The following RGS6 variants were observed in gnomAD, a reference collection of about 807,000 sequenced individuals.
RGS6 encodes the protein regulator of G protein signaling 6, also known as regulator of G-protein signaling 6.
A neutral mutation model predicts 78.5 loss-of-function variants in RGS6; 30 were observed. The observed-to-expected ratio is 0.38, with a 90% CI of 0.29 to 0.52. The LOEUF is 0.52. RGS6 is among the 20% of genes least tolerant of loss of function. The pLI is 0.85. For missense variants in RGS6, 495 were observed against 609.7 expected, an observed-to-expected ratio of 0.81 and a Z score of 1.98; for synonymous variants, 206 against 206.0, an observed-to-expected ratio of 1.00 and a Z score of 0.00.
At chr14:72,315,237 C>T (rs1043432109) in intron 2 of RGS6, among the ~76,000 whole-genome samples, 3 of 152,144 alleles carry the variant, frequency 2.0e-5, no homozygotes, top group African/African-American at 4.8e-5. Context: ...GGAAGCTGTG[C>T]GGGATAATTC....
chr14:72,541,876 G>A (rs533908163), intron 17 of RGS6, among the ~76,000 whole-genome samples: 5 of 152,274 alleles, frequency 3.3e-5, no homozygotes, highest in Admixed American at 6.5e-5. Context: ...GAATGGTCTC[G>A]CGAAGCTCTG....
chr14:72,335,938 G>A (rs781614342), intron 2 of RGS6, among the ~76,000 whole-genome samples: 2 of 152,192 alleles, frequency 1.3e-5, no homozygotes, highest in Non-Finnish European at 2.9e-5. Flanking sequence ...GCTTGTGGAT[G>A]TCCTCCTAAG....
intron 2 of RGS6, among the ~76,000 whole-genome samples, chr14:72,112,364 G>A (rs569375195): frequency 2.6e-5 from 4 of 152,268 alleles, no homozygotes; most frequent in Admixed American, 6.5e-5. Flanking sequence ...TTTAGGGGCA[G>A]GTACCTGGCT....
the RGS6 span, among the ~76,000 whole-genome samples, chr14:71,917,425 C>T: frequency 6.6e-6 from 1 of 152,084 alleles, no homozygotes; most frequent in Non-Finnish European, 1.5e-5. Flanking sequence ...GTTTTTACCA[C>T]AACTATTTAC....
intron 2 of RGS6, among the ~76,000 whole-genome samples, chr14:72,228,951 A>G (rs2048847359): frequency 6.6e-6 from 1 of 152,160 alleles, no homozygotes; most frequent in Non-Finnish European, 1.5e-5. Flanking sequence ...GCTACTCGGG[A>G]GGCTGAGGCA....
intron 2 of RGS6, among the ~76,000 whole-genome samples, chr14:72,062,514 A>T (rs2093943296): frequency 6.6e-6 from 1 of 152,226 alleles, no homozygotes; most frequent in Non-Finnish European, 1.5e-5. Context: ...CAAATTGGAG[A>T]TGATGGAGTT....
upstream of RGS6, among the ~76,000 whole-genome samples, chr14:71,927,633 T>C (rs2087734217): frequency 6.6e-6 from 1 of 152,088 alleles, no homozygotes; most frequent in African/African-American, 2.4e-5. Flanking sequence ...TTATCAGGTC[T>C]GAGATGAAGT....
At chr14:72,419,241 GC>G (rs1336466901) in intron 3 of RGS6, among the ~76,000 whole-genome samples, 1 of 152,224 alleles carries the variant, frequency 6.6e-6, no homozygotes, top group Non-Finnish European at 1.5e-5. Context: ...TTGAGAGCTT[GC>G]TTTACACTGG....
intron 12 of RGS6, among the ~76,000 whole-genome samples, chr14:72,481,418 T>G (rs2153370035): frequency 1.3e-5 from 2 of 152,300 alleles, no homozygotes; most frequent in Non-Finnish European, 2.9e-5. Flanking sequence ...TCCTGCACCC[T>G]CTGTCTCCCC....
intron 3 of RGS6, among the ~76,000 whole-genome samples, chr14:72,417,166 G>T (rs7159300): frequency 1.3e-5 from 2 of 152,082 alleles, no homozygotes; most frequent in African/African-American, 4.8e-5. Context: ...TTTCTTCAGC[G>T]CTCCCTGCCA....
intron 2 of RGS6, among the ~76,000 whole-genome samples, chr14:72,326,856 C>T (rs564106588): frequency 1.7e-4 from 26 of 152,250 alleles, no homozygotes; most frequent in South Asian, 8.3e-4. Flanking sequence ...TACAGGCGCC[C>T]GCCACCATGC....
intron 2 of RGS6, among the ~76,000 whole-genome samples, chr14:72,118,433 A>AT (rs923582188): frequency 6.6e-6 from 1 of 152,180 alleles, no homozygotes; most frequent in Non-Finnish European, 1.5e-5. Context: ...TTACACAAGC[A>AT]TGACCATTCA....
chr14:72,066,770 A>AT (rs2094169121), intron 2 of RGS6, among the ~76,000 whole-genome samples: 1 of 149,564 alleles, frequency 6.7e-6, no homozygotes, highest in South Asian at 2.1e-4. Flanking sequence ...ATAATTATAT[A>AT]TTTTTTCTTC....
chr14:72,597,963 A>T, the RGS6 span, among the ~76,000 whole-genome samples: 1 of 152,090 alleles, frequency 6.6e-6, no homozygotes, highest in African/African-American at 2.4e-5. Flanking sequence ...GGGTGTTGAG[A>T]CACCCTGTGC....
chr14:72,083,919 C>T (rs540689782), intron 2 of RGS6, among the ~76,000 whole-genome samples: 5 of 152,242 alleles, frequency 3.3e-5, no homozygotes, highest in South Asian at 4.1e-4. Flanking sequence ...ATTCAAGCTT[C>T]ACAGAGAGGT....
upstream of RGS6, among the ~76,000 whole-genome samples, chr14:71,928,703 G>T (rs1338226892): frequency 6.6e-6 from 1 of 152,122 alleles, no homozygotes. Flanking sequence ...AAAAGAATCA[G>T]GGTTTTACCT....
chr14:72,411,506 C>A (rs1026381505), intron 3 of RGS6, among the ~76,000 whole-genome samples: 14 of 152,208 alleles, frequency 9.2e-5, no homozygotes, highest in African/African-American at 3.4e-4. Context: ...ATCATGTCAT[C>A]TGCAAACAGG....
At chr14:72,528,658 A>G (rs1385162243) in intron 15 of RGS6, among the ~76,000 whole-genome samples, 1 of 152,148 alleles carries the variant, frequency 6.6e-6, no homozygotes, top group Non-Finnish European at 1.5e-5. Flanking sequence ...AGACGGAGGG[A>G]GAGAGGAAGG....
intron 13 of RGS6, among the ~76,000 whole-genome samples, chr14:72,499,331 C>T (rs180800021): frequency 6.6e-6 from 1 of 152,322 alleles, no homozygotes; most frequent in East Asian, 1.9e-4. Context: ...GGCCGGGAAA[C>T]ATCCCCCTTA....
Sources: allele counts gnomAD v4.1 joint callset (sites outside exome capture counted in the v4.1 genomes callset), GRCh38; gene constraint gnomAD v4.1.1; transcripts MANE v1.5; gene names NCBI Gene and HGNC (gene_info 2026-07-23, HGNC 2026-07-21).